SIAH1: variants seen among roughly 807,000 people sequenced by gnomAD.
The protein encoded by SIAH1 is siah E3 ubiquitin protein ligase 1.
Under a neutral mutation model 20.0 loss-of-function variants are expected in SIAH1, and 2 were observed. That is an observed-to-expected ratio of 0.10 (90% CI 0.04 to 0.31). SIAH1 has a LOEUF of 0.31. Among genes scored for constraint, SIAH1 ranks in the 10% least tolerant of loss-of-function variants. The probability of loss-of-function intolerance (pLI) is 1.00; values close to 1 mark genes in which losing one functional copy is unlikely to be tolerated. For synonymous variants in SIAH1, 118 were observed against 125.3 expected (o/e 0.94, Z 0.39); for missense variants, 119 against 355.3 (o/e 0.33, Z 5.35).
intron 1 of SIAH1, chr16:48,365,909 G>A: frequency 8.1e-7 from 1 of 1,228,518 alleles, no homozygotes. Flanking sequence ...TGCCGGGAGA[G>A]CCATTTGGAG....
At chr16:48,384,698 G>A (rs1961395447) in intron 1 of SIAH1, among the ~76,000 whole-genome samples, 3 of 151,258 alleles carry the variant, frequency 2.0e-5, no homozygotes, top group Admixed American at 1.3e-4. Context: ...GCGGCGCGGT[G>A]CGGCCCGGGC....
chr16:48,374,987 C>A (rs972670995), intron 1 of SIAH1, among the ~76,000 whole-genome samples: 2 of 152,074 alleles, frequency 1.3e-5, no homozygotes, highest in Non-Finnish European at 2.9e-5. Context: ...ACAATAGAGG[C>A]GTGTTATTTA....
rs1278075721 is a variant in SIAH1, at chr16:48,385,226, G to C, written c.-25C>G. ...TACCTGTGGGCGGAGAGCGCGCCTCGGACCCCGGTCCTGGCACCAACGCGC... is the reference window on the plus strand; with the variant it reads ...TACCTGTGGGCGGAGAGCGCGCCTCCGACCCCGGTCCTGGCACCAACGCGC... On this transcript the variant is annotated 5_prime_UTR_variant, in exon 1 of 2. Transcript: ENST00000394725. 6.1e-6 allele frequency: 2 copies of C among 326,632 alleles called. No individual in the cohort carries two copies. The highest frequency in any genetic ancestry group is 1.3e-5 in the Non-Finnish European group (2 of 154,920). The allele number at this position is 326,632 out of a possible 1,614,324, so 20.2% of individuals were successfully genotyped here. A position where few individuals can be genotyped will look rare whatever the true frequency, so the allele number is the denominator to read the frequency against.
chr16:48,368,250 C>G (rs965292251), intron 1 of SIAH1, among the ~76,000 whole-genome samples: 9 of 152,124 alleles, frequency 5.9e-5, no homozygotes, highest in African/African-American at 1.9e-4. Flanking sequence ...GAATCAGTTA[C>G]CTATATGAGG....
chr16:48,369,837 C>T (rs1960937907), intron 1 of SIAH1, among the ~76,000 whole-genome samples: 1 of 152,242 alleles, frequency 6.6e-6, no homozygotes, highest in African/African-American at 2.4e-5. Context: ...AAGCTCCTAA[C>T]TTTGTCAAAG....
intron 1 of SIAH1, among the ~76,000 whole-genome samples, chr16:48,378,729 C>G (rs1047543000): frequency 5.9e-5 from 9 of 152,174 alleles, no homozygotes; most frequent in Admixed American, 5.9e-4. Flanking sequence ...TTTCCCTCTG[C>G]ACAGTTCTTC....
intron 1 of SIAH1, among the ~76,000 whole-genome samples, chr16:48,366,654 T>A (rs1291911087): frequency 6.6e-6 from 1 of 152,218 alleles, no homozygotes; most frequent in Non-Finnish European, 1.5e-5. Context: ...AGCTAGTGCG[T>A]GCAGAGGTTT....
rs1162011893 is a variant in SIAH1 at position 48,361,484 on chromosome 16, C to G, written c.*96G>C. 8.0e-7 allele frequency: 1 copy of G among 1,256,734 alleles called. No homozygotes were observed. Among genetic ancestry groups the G allele is most frequent in the African/African-American group, 1.5e-5 (1 of 67,646 alleles). The allele number at this position is 1,256,734 out of a possible 1,614,324, so 77.8% of individuals were successfully genotyped here. ...TTACCTTCATGTGTCTAGCTTCCACCTACCGAAAGAGTTTTAGGTTGGCAG... is the reference window on the plus strand; with the variant it reads ...TTACCTTCATGTGTCTAGCTTCCACGTACCGAAAGAGTTTTAGGTTGGCAG... On this transcript the variant is annotated 3_prime_UTR_variant, in exon 2 of 2. Transcript: ENST00000394725.
chr16:48,365,787 G>C, intron 1 of SIAH1: 1 of 1,337,356 alleles, frequency 7.5e-7, no homozygotes, highest in Non-Finnish European at 9.6e-7. Flanking sequence ...CAGATTCACT[G>C]GGTAGGGTCC....
rs1960572486 is a variant in SIAH1, at chr16:48,361,178, C to T, written c.*402G>A. 1.0e-5 allele frequency: 2 copies of T among 195,540 alleles called. No homozygotes were observed. The highest frequency in any genetic ancestry group is 2.2e-5 in the Non-Finnish European group (2 of 92,992). 12.1% of individuals were successfully genotyped at this position (195,540 alleles called of 1,614,324 possible). A position where few individuals can be genotyped will look rare whatever the true frequency, so the allele number is the denominator to read the frequency against. Reference sequence around the variant, plus strand: ...AGGGAAAAGCAGTGGCCCATGACCACTCAAGATGGCTTGTCAGTTAAAGGA... The same window carrying T: ...AGGGAAAAGCAGTGGCCCATGACCATTCAAGATGGCTTGTCAGTTAAAGGA... On this transcript the variant is annotated 3_prime_UTR_variant, in exon 2 of 2. Coordinates refer to ENST00000394725, the MANE Select transcript of SIAH1 (RefSeq NM_003031.4).
intron 1 of SIAH1, among the ~76,000 whole-genome samples, chr16:48,378,844 C>T (rs184765250): frequency 1.7e-4 from 26 of 152,296 alleles, no homozygotes; most frequent in Non-Finnish European, 3.7e-4. Flanking sequence ...GCTGCATCTT[C>T]CATCTAAGAT....
intron 1 of SIAH1, among the ~76,000 whole-genome samples, chr16:48,370,530 A>C (rs1467997944): frequency 1.3e-5 from 2 of 152,216 alleles, no homozygotes; most frequent in African/African-American, 4.8e-5. Flanking sequence ...TTAAGAAAAT[A>C]GATTTCGGCT....
intron 1 of SIAH1, among the ~76,000 whole-genome samples, chr16:48,376,555 A>C (rs1237007652): frequency 6.6e-6 from 1 of 152,010 alleles, no homozygotes; most frequent in Non-Finnish European, 1.5e-5. Flanking sequence ...GCAGTGGTGC[A>C]ATCTCAGCTC....
intron 1 of SIAH1, among the ~76,000 whole-genome samples, chr16:48,374,168 T>G (rs568113583): frequency 6.6e-6 from 1 of 152,330 alleles, no homozygotes; most frequent in East Asian, 1.9e-4. Context: ...TATTTTTTAT[T>G]TGTTGTTATA....
intron 1 of SIAH1, among the ~76,000 whole-genome samples, chr16:48,370,159 C>T (rs559098622): frequency 2.0e-4 from 31 of 152,280 alleles, no homozygotes; most frequent in South Asian, 1.0e-3. Flanking sequence ...ATATAGGTAT[C>T]CTCAATCTCC....
At chr16:48,386,080 G>C (rs1460071173), upstream of SIAH1, among the ~76,000 whole-genome samples, 1 of 152,178 alleles carries the variant, frequency 6.6e-6, no homozygotes, top group African/African-American at 2.4e-5. Flanking sequence ...TCCCTAATTA[G>C]GGACTCTGCA....
chr16:48,365,531 T>G, intron 1 of SIAH1: 1 of 1,584,124 alleles, frequency 6.3e-7, no homozygotes. Flanking sequence ...AACAGGCCCC[T>G]CCTGGGCTCT....
At chr16:48,373,761 T>C (rs1357093346) in intron 1 of SIAH1, among the ~76,000 whole-genome samples, 1 of 152,172 alleles carries the variant, frequency 6.6e-6, no homozygotes, top group African/African-American at 2.4e-5. Flanking sequence ...CATGTTAGAG[T>C]AAAAGCTGAA....
intron 1 of SIAH1, chr16:48,363,364 T>C (rs1278453832): frequency 6.0e-6 from 1 of 167,112 alleles, no homozygotes. Context: ...ATTAATCTTA[T>C]TTCCTACTGA....
Sources: gnomAD v4.1 joint callset for allele counts (sites outside exome capture counted in the v4.1 genomes callset) on GRCh38, gnomAD v4.1.1 for gene constraint, MANE v1.5 for transcripts, NCBI Gene and HGNC (gene_info 2026-07-23, HGNC 2026-07-21) for gene names.